CDH3: variants seen among roughly 807,000 people sequenced by gnomAD.
CDH3 encodes the protein cadherin 3, also known as cadherin-3.
Under a neutral mutation model 82.0 loss-of-function variants are expected in CDH3, and 54 were observed. That is an observed-to-expected ratio of 0.66 (90% CI 0.53 to 0.83). The LOEUF (loss-of-function observed/expected upper bound fraction) is 0.83, where lower values mean the gene tolerates loss of function less well. Among genes scored for constraint, CDH3 ranks in the 40% least tolerant of loss-of-function variants. The pLI is 0.00. For missense variants in CDH3, 1,054 were observed against 1,084.6 expected (o/e 0.97, Z 0.40); for synonymous variants, 446 against 437.9 (o/e 1.02, Z -0.23).
downstream of CDH3, among the ~76,000 whole-genome samples, chr16:68,731,386 AAAAAAAAAAATAT>A (rs1484760706): frequency 1.5e-4 from 4 of 26,214 alleles, no homozygotes; most frequent in East Asian, 7.6e-4. Flanking sequence ...AAAAAAAAAA[AAAAAAAAAAATAT>A]ATATATATAT....
At chr16:68,701,706 C>T (rs1353951195), downstream of CDH3, among the ~76,000 whole-genome samples, 1 of 151,906 alleles carries the variant, frequency 6.6e-6, no homozygotes, top group East Asian at 2.0e-4. Flanking sequence ...CCACTATGCC[C>T]AGCTATTCTT....
At chr16:68,685,898 A>G (rs1239352409) in intron 11 of CDH3, among the ~76,000 whole-genome samples, 1 of 151,996 alleles carries the variant, frequency 6.6e-6, no homozygotes, top group Non-Finnish European at 1.5e-5. Context: ...AGGTGTGGTG[A>G]CTCAGGCCTG....
At chr16:68,731,368 CAAAAAAAAAAAAAAAAAAAAA>C (rs869074059), downstream of CDH3, among the ~76,000 whole-genome samples, 13 of 2,272 alleles carry the variant, frequency 5.7e-3, no homozygotes, top group Admixed American at 0.014. Context: ...AACTCCGTCT[CAAAAAAAAAAAAAAAAAAAAA>C]AAAAAAATAT....
intron 2 of CDH3, among the ~76,000 whole-genome samples, chr16:68,668,953 TA>T (rs1436317942): frequency 1.3e-5 from 2 of 152,198 alleles, no homozygotes; most frequent in Admixed American, 1.3e-4. Flanking sequence ...CCTGATGAGG[TA>T]GGTATTGTTT....
chr16:68,725,622 C>T (rs1307388838), intron 2 of CDH3, among the ~76,000 whole-genome samples: 2 of 152,194 alleles, frequency 1.3e-5, no homozygotes, highest in Non-Finnish European at 2.9e-5. Flanking sequence ...CGTGAGCCAC[C>T]GCGCCCGGCC....
At chr16:68,711,490 C>T (rs1962030961) in intron 1 of CDH3, among the ~76,000 whole-genome samples, 1 of 152,162 alleles carries the variant, frequency 6.6e-6, no homozygotes, top group African/African-American at 2.4e-5. Flanking sequence ...CCCAAGGTTA[C>T]ACAGGTGAGG....
intron 9 of CDH3, among the ~76,000 whole-genome samples, chr16:68,683,651 CAAAAAAAAAA>C (rs1199101103): frequency 2.6e-4 from 18 of 69,828 alleles, no homozygotes; most frequent in South Asian, 1.3e-3. Context: ...GACTCTGTCT[CAAAAAAAAAA>C]AAAAAAAAAA....
chr16:68,678,418 A>G, intron 4 of CDH3, 83 bp from the exon 5 acceptor site: 1 of 1,588,024 alleles, frequency 6.3e-7, no homozygotes, highest in Non-Finnish European at 8.6e-7. Context: ...CTCCTATGGC[A>G]GTGCCCCTCT....
At chr16:68,681,504 C>A (rs998980333) in intron 8 of CDH3, among the ~76,000 whole-genome samples, 3 of 152,232 alleles carry the variant, frequency 2.0e-5, no homozygotes, top group Non-Finnish European at 4.4e-5. Flanking sequence ...CCCCTTCCAT[C>A]TTTAGACAAC....
At chr16:68,721,229 C>CTTTTTTTT (rs71148941) in intron 1 of CDH3, among the ~76,000 whole-genome samples, 2 of 114,584 alleles carry the variant, frequency 1.7e-5, no homozygotes, top group African/African-American at 3.4e-5. Flanking sequence ...GCAGTTTAGT[C>CTTTTTTTT]TTTTTTTTTT....
chr16:68,661,098 ACTC>A (rs1291322680), intron 2 of CDH3, among the ~76,000 whole-genome samples: 1 of 151,962 alleles, frequency 6.6e-6, no homozygotes, highest in Non-Finnish European at 1.5e-5. Context: ...ACAATTCACT[ACTC>A]TCCAGCTTTG....
chr16:68,681,109 CCTCA>C lies in CDH3; in HGVS notation c.996+18_996+21del, dbSNP rs748321416. The C allele has an allele frequency of 2.0e-5, 33 of 1,613,764 alleles. 1 individual carries two copies. The East Asian group carries it at 6.9e-4, about 34-fold the overall frequency. Reference sequence around the variant, plus strand: ...TGACCCCCAGAAGGTAATGCCCCTTCCTCACTCAGTCCCTCATCAGATAATGAAG... The same window carrying C: ...TGACCCCCAGAAGGTAATGCCCCTTCCTCAGTCCCTCATCAGATAATGAAG... On this transcript the variant is annotated intron_variant, in intron 8 of 15. Transcript: ENST00000264012.
chr16:68,726,576 G>T (rs533968802), intron 2 of CDH3, among the ~76,000 whole-genome samples: 21 of 148,014 alleles, frequency 1.4e-4, no homozygotes, highest in Non-Finnish European at 2.7e-4. Context: ...CATTTTTTTG[G>T]TTGTTTTTTT....
In CDH3 at chr16:68,695,335, C is replaced by T. The variant is rs202110644; in HGVS notation, c.2083C>T (p.Arg695Cys). 9.9e-6 allele frequency: 16 copies of T among 1,613,864 alleles called. No individual in the cohort carries two copies. In the Admixed American group the frequency reaches 1.3e-4, roughly 13 times the overall value. The change falls in exon 14 of 16, where the codon CGT becomes TGT. Residue 695 changes from arginine to cysteine, a missense_variant. Physicochemically the swap from Arg to Cys is radical, Grantham distance 180. Transcript: ENST00000264012. ...CCTCCTACTCCCAGAAGATGACACC[C>T]GTGACAACGTCTTCTACTATGGCGA... ...EPLLLPEDDT[R>C]DNVFYYGEEG...
At chr16:68,645,773 G>T (rs903916404) in intron 2 of CDH3, 23 bp downstream of exon 2, 1 of 1,507,712 alleles carries the variant, frequency 6.6e-7, no homozygotes, top group Non-Finnish European at 9.0e-7. Flanking sequence ...GGGTGGAACC[G>T]CAGGGTAGGG....
chr16:68,703,370 G>T (rs559929275), downstream of CDH3, among the ~76,000 whole-genome samples: 11 of 152,332 alleles, frequency 7.2e-5, no homozygotes, highest in South Asian at 2.3e-3. Context: ...ACTGCTGGGG[G>T]GTGGCCACTC....
chr16:68,695,310 C>T lies in CDH3; in HGVS notation c.2058C>T (p.Pro686=), dbSNP rs116035854. The change falls in exon 14 of 16, where the codon CCC becomes CCT. Residue 686 remains proline (P), a synonymous_variant. Coordinates refer to ENST00000264012, the MANE Select transcript of CDH3 (RefSeq NM_001793.6). ...GAAAGAAGCGGAAGATCAAGGAGCC[C>T]CTCCTACTCCCAGAAGATGACACCC... ...LVRKKRKIKE[P]LLLPEDDTRD... is the part of the protein sequence containing the mutation. 6.0e-4 allele frequency: 976 copies of T among 1,614,030 alleles called. 4 individuals are homozygous for T. The African/African-American group carries it at 0.011, about 19-fold the overall frequency.
intron 2 of CDH3, among the ~76,000 whole-genome samples, chr16:68,670,466 G>T (rs184988889): frequency 2.0e-5 from 3 of 152,056 alleles, no homozygotes; most frequent in Admixed American, 6.5e-5. Flanking sequence ...CCCGGTTGGG[G>T]TTTATTTTTC....
intron 2 of CDH3, among the ~76,000 whole-genome samples, chr16:68,668,281 C>T (rs1295051515): frequency 2.0e-5 from 3 of 152,170 alleles, no homozygotes; most frequent in Admixed American, 6.5e-5. Flanking sequence ...TTCATGCCCC[C>T]GTGATTTGGC....
Sources: gnomAD v4.1 joint callset for allele counts (sites outside exome capture counted in the v4.1 genomes callset) on GRCh38, gnomAD v4.1.1 for gene constraint, MANE v1.5 for transcripts, NCBI Gene and HGNC (gene_info 2026-07-23, HGNC 2026-07-21) for gene names.